The following ADCY7 variants were observed in gnomAD, a reference collection of about 807,000 sequenced individuals.
ADCY7 encodes adenylate cyclase 7.
In ADCY7, 72 loss-of-function variants were observed where a neutral mutation model predicts 120.6. The ratio of observed to expected loss-of-function variants is 0.60; its 90% CI spans 0.49 to 0.73. ADCY7 has a LOEUF of 0.73. Among genes scored for constraint, ADCY7 ranks in the 30% least tolerant of loss-of-function variants. The pLI, the probability that ADCY7 is intolerant of heterozygous loss-of-function variation, is 0.00. For synonymous variants in ADCY7, 661 were observed against 628.0 expected (o/e 1.05, Z -0.78); for missense variants, 1,227 against 1,486.0 (o/e 0.83, Z 2.87).
At chr16:50,312,288 G>T in intron 21 of ADCY7, 97 bp downstream of exon 21, 1 of 1,390,418 alleles carries the variant, frequency 7.2e-7, no homozygotes, top group Non-Finnish European at 9.9e-7. Flanking sequence ...TGCTGAGCTT[G>T]GCTTCCTCAG....
Position 50,297,597 on chromosome 16 carries a change from G to A in ADCY7, c.949-1307G>A, listed in dbSNP as rs527580126. Among the ~76,000 whole-genome samples the A allele has an allele frequency of 1.5e-4, 23 of 152,332 alleles. No individual in the cohort carries two copies. Among genetic ancestry groups the A allele is most frequent in the Admixed American group, 1.2e-3 (18 of 15,304 alleles). On this transcript the variant is annotated intron_variant, in intron 7 of 25. Transcript: ENST00000673801. This position sits in a 1 kb window ranked among gnomAD's most constrained non-coding sequence, Gnocchi z 4.4. Reference sequence around the variant, plus strand: ...CACACGCTGAAACTGAGTAATTGGCGGAGGGCACAGGCCAGGGATGGTTCC... The same window carrying A: ...CACACGCTGAAACTGAGTAATTGGCAGAGGGCACAGGCCAGGGATGGTTCC...
chr16:50,301,077 C>T lies in ADCY7; in HGVS notation c.1236-5C>T, dbSNP rs746157363. On this transcript the variant is annotated splice_polypyrimidine_tract_variant and splice_region_variant and intron_variant, in intron 9 of 25. Coordinates refer to ENST00000673801, the MANE Select transcript of ADCY7 (RefSeq NM_001114.5). ...AAGGCTCTGCCTGACTTGGGTCTCCCGTAGCCGGGTGCACATCACGGAGGC... is the reference window on the plus strand; with the variant it reads ...AAGGCTCTGCCTGACTTGGGTCTCCTGTAGCCGGGTGCACATCACGGAGGC... 82 of 1,612,822 alleles carry T rather than the reference C, an allele frequency of 5.1e-5. No homozygotes were observed. In the East Asian group the frequency reaches 1.0e-3, roughly 20 times the overall value.
chr16:50,247,402 T>G (rs1266323662), intron 1 of ADCY7, among the ~76,000 whole-genome samples: 1 of 152,024 alleles, frequency 6.6e-6, no homozygotes, highest in Non-Finnish European at 1.5e-5. Flanking sequence ...TGCTCTGTCC[T>G]CCAGGCTGAA....
intron 7 of ADCY7, among the ~76,000 whole-genome samples, chr16:50,296,878 A>C (rs1241150546): frequency 3.3e-5 from 5 of 152,058 alleles, no homozygotes; most frequent in Non-Finnish European, 7.4e-5. Context: ...CATCCTGGGG[A>C]TTGTGGACTG....
chr16:50,294,994 G>A (rs1339648811), intron 7 of ADCY7, among the ~76,000 whole-genome samples: 1 of 152,162 alleles, frequency 6.6e-6, no homozygotes. Flanking sequence ...CACACTGGGC[G>A]ATATACTGGG....
chr16:50,312,232 C>T (rs774183783), intron 21 of ADCY7, 41 bp downstream of exon 21: 22 of 1,608,008 alleles, frequency 1.4e-5, no homozygotes, highest in Middle Eastern at 1.6e-4. Context: ...GGGAGGCGGA[C>T]GGTCCAGGCG....
At chr16:50,264,175 T>C (rs1483912695), upstream of ADCY7, among the ~76,000 whole-genome samples, 2 of 152,196 alleles carry the variant, frequency 1.3e-5, no homozygotes, top group Non-Finnish European at 2.9e-5. Flanking sequence ...TGTCTGTCAC[T>C]GTAGATTAGT....
intron 8 of ADCY7, among the ~76,000 whole-genome samples, chr16:50,299,419 G>A (rs1195258751): frequency 1.3e-5 from 2 of 152,254 alleles, no homozygotes; most frequent in African/African-American, 4.8e-5. Flanking sequence ...GCTCCCCAGT[G>A]AAGATCCTGG....
At chr16:50,302,798 G>A (rs543511914) in intron 10 of ADCY7, among the ~76,000 whole-genome samples, 36 of 152,260 alleles carry the variant, frequency 2.4e-4, no homozygotes, top group Admixed American at 3.9e-4. Context: ...CCCCATGGTC[G>A]CGCACCCTGC....
At chr16:50,255,258 C>T (rs2032875486) in intron 1 of ADCY7, among the ~76,000 whole-genome samples, 1 of 151,252 alleles carries the variant, frequency 6.6e-6, no homozygotes, top group South Asian at 2.1e-4. Flanking sequence ...GATTGTGCCA[C>T]TGTACACCAG....
chr16:50,287,557 G>A (rs1429917487), intron 1 of ADCY7, among the ~76,000 whole-genome samples: 3 of 151,688 alleles, frequency 2.0e-5, no homozygotes, highest in Non-Finnish European at 4.4e-5. Flanking sequence ...CTGCACACCT[G>A]TAGTCCCAGC....
Position 50,305,541 on chromosome 16 carries a change from A to G in ADCY7, c.1634A>G (p.Tyr545Cys), listed in dbSNP as rs930898016. ...AAGGGGCGGTCGGAGGATGACTCGT[A>G]CGATGACGAGATGCTGTCAGCCATT... is the stretch of plus-strand genomic sequence containing the variant. ...SPKGRSEDDS[Y>C]DDEMLSAIEG... The change falls in exon 13 of 26, where the codon TAC (tyrosine) becomes TGC (cysteine). Residue 545 changes from tyrosine (Y) to cysteine (C), a missense_variant. Physicochemically the swap from Tyr to Cys is radical, Grantham distance 194. Around this residue, in one of 5 missense-constraint regions of ADCY7, gnomAD observed 332 missense variants for 455.8 expected, o/e 0.73. Coordinates refer to ENST00000673801, the MANE Select transcript of ADCY7 (RefSeq NM_001114.5). 4.3e-6 allele frequency: 7 copies of G among 1,609,360 alleles called. No homozygotes were observed. The African/African-American group carries it at 9.4e-5, about 22-fold the overall frequency.
chr16:50,312,260 G>C lies in ADCY7; in HGVS notation c.2604+69G>C. On this transcript the variant is annotated intron_variant, in intron 21 of 25. Coordinates refer to ENST00000673801, the MANE Select transcript of ADCY7 (RefSeq NM_001114.5). ...TCCAGGCGCAGTCCGTAGGGTGAAGGTGTGGAGCTGGAGTGCATGCTGAGC... is the reference window on the plus strand; with the variant it reads ...TCCAGGCGCAGTCCGTAGGGTGAAGCTGTGGAGCTGGAGTGCATGCTGAGC... 3 of 1,565,966 alleles carry C rather than the reference G, an allele frequency of 1.9e-6. No individual in the cohort carries two copies. The South Asian group carries it at 3.4e-5, about 18-fold the overall frequency.
At chr16:50,281,528 T>G (rs2034266530) in intron 1 of ADCY7, among the ~76,000 whole-genome samples, 1 of 152,224 alleles carries the variant, frequency 6.6e-6, no homozygotes, top group Non-Finnish European at 1.5e-5. Context: ...GGTGCAGGAT[T>G]CTGGCTGGCT....
At chr16:50,260,164 C>G (rs1280532074) in intron 1 of ADCY7, among the ~76,000 whole-genome samples, 1 of 152,214 alleles carries the variant, frequency 6.6e-6, no homozygotes, top group Non-Finnish European at 1.5e-5. Flanking sequence ...GCTGGCTGCA[C>G]TGTGTTATTG....
intron 5 of ADCY7, 66 bp from the exon 6 acceptor site, chr16:50,293,288 T>TC: frequency 4.5e-6 from 7 of 1,566,958 alleles, no homozygotes; most frequent in Non-Finnish European, 6.1e-6. Context: ...ACCCTGCCTG[T>TC]CCCCCGCTGG....
intron 7 of ADCY7, among the ~76,000 whole-genome samples, 196 bp downstream of exon 7, chr16:50,294,947 C>A (rs2035248795): frequency 6.6e-6 from 1 of 152,118 alleles, no homozygotes; most frequent in Non-Finnish European, 1.5e-5. Flanking sequence ...GGATCCTGTG[C>A]CCCCAGAGTG....
At chr16:50,276,632 G>C (rs978864906) in intron 1 of ADCY7, among the ~76,000 whole-genome samples, 1 of 152,190 alleles carries the variant, frequency 6.6e-6, no homozygotes, top group Non-Finnish European at 1.5e-5. Context: ...GTCTTGCTCT[G>C]TTTCTCAGGC....
chr16:50,268,949 A>G (rs1157355510), intron 1 of ADCY7, among the ~76,000 whole-genome samples: 1 of 152,138 alleles, frequency 6.6e-6, no homozygotes, highest in Non-Finnish European at 1.5e-5. Flanking sequence ...AGGCAGGAGG[A>G]TCCTTTGAGC....
Sources: gnomAD v4.1 joint callset for allele counts (sites outside exome capture counted in the v4.1 genomes callset) on GRCh38, gnomAD v4.1.1 for gene constraint, gnomAD v4.1.1 regional missense constraint, Gnocchi (gnomAD v3.1) non-coding constraint, MANE v1.5 for transcripts, NCBI Gene and HGNC (gene_info 2026-07-23, HGNC 2026-07-21) for gene names.